SANBR: variants seen among roughly 807,000 people sequenced by gnomAD.
SANBR encodes SANT and BTB domain regulator of CSR, also known as SANT and BTB domain regulator of class switch recombination.
SANBR carries 77 observed loss-of-function variants against 101.8 expected under a neutral mutation model. The observed-to-expected ratio is 0.76, with a 90% CI of 0.63 to 0.91. SANBR has a LOEUF of 0.91. Ranked by LOEUF, SANBR falls within the 40% of genes least tolerant of loss-of-function variation. The pLI is 0.00. For missense variants in SANBR, 875 were observed against 853.0 expected (o/e 1.03, Z -0.32); for synonymous variants, 279 against 274.7 (o/e 1.02, Z -0.15).
chr2:61,073,603 T>TA (rs1201496251), intron 5 of SANBR, 52 bp downstream of exon 5: 2 of 1,005,186 alleles, frequency 2.0e-6, no homozygotes, highest in Non-Finnish European at 1.5e-6. Flanking sequence ...ATCAACTTCA[T>TA]AAAATATATG....
chr2:61,109,679 T>TC (rs767095971), intron 16 of SANBR, among the ~76,000 whole-genome samples: 7 of 140,522 alleles, frequency 5.0e-5, no homozygotes, highest in South Asian at 4.3e-4. Flanking sequence ...TTTTTTGTGT[T>TC]TGTTTTTTTT....
At chr2:61,103,269 C>T (rs1331959906) in intron 12 of SANBR, among the ~76,000 whole-genome samples, 2 of 151,810 alleles carry the variant, frequency 1.3e-5, no homozygotes, top group East Asian at 3.9e-4. Flanking sequence ...CCTGAGGTAG[C>T]TGGGACTGGA....
chr2:61,131,200 GA>G (rs1684680096), intron 20 of SANBR, among the ~76,000 whole-genome samples: 1 of 152,010 alleles, frequency 6.6e-6, no homozygotes, highest in African/African-American at 2.4e-5. Context: ...GATCTAGCCA[GA>G]GCAGTTGGGC....
downstream of SANBR, chr2:61,124,339 G>A (rs1559151029): frequency 1.3e-6 from 1 of 779,154 alleles, no homozygotes; most frequent in Non-Finnish European, 1.6e-6. Flanking sequence ...AAAGTCTGGA[G>A]TAGCTCTAGA....
At chr2:61,109,677 GTTTGT>G (rs1683733324) in intron 16 of SANBR, among the ~76,000 whole-genome samples, 1 of 109,494 alleles carries the variant, frequency 9.1e-6, no homozygotes, top group African/African-American at 3.4e-5. Flanking sequence ...TTTTTTTTGT[GTTTGT>G]TTTTTTTTTT....
chr2:61,106,060 G>C (rs1683549364), intron 13 of SANBR, among the ~76,000 whole-genome samples: 1 of 152,072 alleles, frequency 6.6e-6, no homozygotes, highest in African/African-American at 2.4e-5. Context: ...TTGCTGAATG[G>C]GGTGTCTTTT....
rs1684442886 is a variant in SANBR, at chr2:61,124,123, T to C, written c.*1961T>C. On this transcript the variant is annotated 3_prime_UTR_variant, in exon 22 of 22. Transcript: ENST00000402291. ...TTAAAACAAAAAAAGAATGTGTTTT[T>C]AATTTTGTTAATGTTTGTCTGTTAT... 3.1e-6 allele frequency: 3 copies of C among 972,476 alleles called. No homozygotes were observed. In the Admixed American group the frequency reaches 1.8e-4, roughly 60 times the overall value. The allele number at this position is 972,476 out of a possible 1,614,324, so 60.2% of individuals were successfully genotyped here. A position where few individuals can be genotyped will look rare whatever the true frequency, so the allele number is the denominator to read the frequency against.
At position 61,083,308 on chromosome 2, in the gene SANBR, T is replaced by A; in HGVS notation, c.884T>A (p.Phe295Tyr). 1.9e-6 allele frequency: 3 copies of A among 1,582,980 alleles called. No homozygotes were observed. The highest frequency in any genetic ancestry group is 2.6e-6 in the Non-Finnish European group (3 of 1,157,628). ...GATTTAAAGGACAAAAAAGATAAAT[T>A]TAAAAGGTAATTTCAAAAGTTTAAT... ...VDDLKDKKDK[F>Y]KSKLFCKKIE... Residue 295 changes from phenylalanine to tyrosine, a missense_variant, in exon 8 of 22, where the codon TTT (phenylalanine) becomes TAT (tyrosine). Phe to Tyr is a conservative substitution (Grantham distance 22, BLOSUM62 3). Coordinates refer to ENST00000402291, the MANE Select transcript of SANBR (RefSeq NM_001129993.3).
At chr2:61,087,647 C>G (rs1231387137) in intron 8 of SANBR, among the ~76,000 whole-genome samples, 4 of 151,976 alleles carry the variant, frequency 2.6e-5, no homozygotes, top group African/African-American at 9.7e-5. Context: ...GTCAAGAGAT[C>G]GAGACCATCC....
At chr2:61,131,029 A>G (rs1573684811) in intron 20 of SANBR, among the ~76,000 whole-genome samples, 2 of 151,854 alleles carry the variant, frequency 1.3e-5, no homozygotes, top group Non-Finnish European at 1.5e-5. Context: ...GGTAAAAAAC[A>G]TTAACAACAT....
rs75562474 is a variant in SANBR, at chr2:61,122,489, G to A, written c.*327G>A. The A allele has an allele frequency of 0.03, 31,615 of 1,041,386 alleles. 546 individuals carry two copies. Among genetic ancestry groups the A allele is most frequent in the Non-Finnish European group, 0.034 (29,446 of 866,836 alleles). 64.5% of individuals were successfully genotyped at this position (1,041,386 alleles called of 1,614,324 possible). A position where few individuals can be genotyped will look rare whatever the true frequency, so the allele number is the denominator to read the frequency against. On this transcript the variant is annotated 3_prime_UTR_variant, in exon 22 of 22. Transcript: ENST00000402291. ...AAGGCCTAAACTGTCAGGTAGCCAA[G>A]TTTTTTTAAGACCTTAAAAGTTAGG...
chr2:61,123,000 T>C lies in SANBR; in HGVS notation c.*838T>C. The C allele has an allele frequency of 1.0e-6, 1 of 983,552 alleles. No individual in the cohort carries two copies. The highest frequency in any genetic ancestry group is 1.2e-6 in the Non-Finnish European group (1 of 828,104). The allele number at this position is 983,552 out of a possible 1,614,324, so 60.9% of individuals were successfully genotyped here. On this transcript the variant is annotated 3_prime_UTR_variant, in exon 22 of 22. Coordinates refer to ENST00000402291, the MANE Select transcript of SANBR (RefSeq NM_001129993.3). ...TTTCTGTAACCATTCAAATAACTCC[T>C]TAAAACAGTTATACTTGCTAGTTCG... is the stretch of plus-strand genomic sequence containing the variant.
chr2:61,104,270 C>A (rs13424209), intron 13 of SANBR, among the ~76,000 whole-genome samples: 2 of 152,004 alleles, frequency 1.3e-5, no homozygotes, highest in African/African-American at 4.8e-5. Flanking sequence ...ATCACGAGGT[C>A]AGGAGATCGA....
At chr2:61,083,537 C>T (rs1471576340) in intron 8 of SANBR, among the ~76,000 whole-genome samples, 1 of 147,210 alleles carries the variant, frequency 6.8e-6, no homozygotes, top group East Asian at 2.0e-4. Context: ...GCTGGGACTA[C>T]AGGAATGCAC....
chr2:61,129,824 C>T (rs1270038563), intron 20 of SANBR, among the ~76,000 whole-genome samples: 1 of 151,530 alleles, frequency 6.6e-6, no homozygotes, highest in Admixed American at 6.6e-5. Context: ...GCAATAAAAG[C>T]TATAAATATA....
In SANBR at chr2:61,088,420, G is replaced by GA; in HGVS notation, c.1045dup (p.Ile349AsnfsTer17). On this transcript the variant is annotated frameshift_variant, in exon 10 of 22. Transcript: ENST00000402291. LOFTEE classifies it high-confidence loss of function. ...GAAAGAAGAATTCCTTGCATTCCTG[G>GA]AAAAATCAATGTGGATCGACGTGGA... The GA allele has an allele frequency of 6.2e-7, 1 of 1,608,998 alleles. No homozygotes were observed. The highest frequency in any genetic ancestry group is 8.5e-7 in the Non-Finnish European group (1 of 1,178,002).
At chr2:61,122,059 A>G (rs1684352209) in intron 21 of SANBR, 67 bp from the exon 22 acceptor site, 2 of 1,534,586 alleles carry the variant, frequency 1.3e-6, no homozygotes, top group African/African-American at 1.4e-5. Context: ...AACATAATCT[A>G]AAGGAGCACC....
chr2:61,082,673 G>A (rs150033874), intron 7 of SANBR, among the ~76,000 whole-genome samples: 193 of 152,260 alleles, frequency 1.3e-3, no homozygotes, highest in East Asian at 6.0e-3. Context: ...ACAAAAATTA[G>A]CCAGGCGTGG....
chr2:61,123,705 T>C lies in SANBR; in HGVS notation c.*1543T>C, dbSNP rs1399899376. On this transcript the variant is annotated 3_prime_UTR_variant, in exon 22 of 22. Transcript: ENST00000402291. ...TATATATGCTCTTTTGATTTTTAAC[T>C]GATGGTAAAAAGGCAAACTGCTTCT... The C allele has an allele frequency of 2.0e-6, 2 of 984,692 alleles. No homozygotes were observed. The highest frequency in any genetic ancestry group is 2.2e-4 in the East Asian group (2 of 8,956). 61.0% of individuals were successfully genotyped at this position (984,692 alleles called of 1,614,324 possible).
Sources: allele counts gnomAD v4.1 joint callset (sites outside exome capture counted in the v4.1 genomes callset), GRCh38; gene constraint gnomAD v4.1.1; transcripts MANE v1.5; gene names NCBI Gene and HGNC (gene_info 2026-07-23, HGNC 2026-07-21).